Variants in PKP3 observed in about 807,000 individuals in gnomAD.
PKP3 encodes plakophilin 3, also known as plakophilin-3.
In PKP3, 66 loss-of-function variants were observed where a neutral mutation model predicts 76.5. That is an observed-to-expected ratio of 0.86 (90% CI 0.71 to 1.06). PKP3 has a LOEUF of 1.06. Ranked by LOEUF, PKP3 falls within the 50% of genes least tolerant of loss-of-function variation. The pLI is 0.00. For synonymous variants in PKP3, 638 were observed against 516.5 expected, an observed-to-expected ratio of 1.24 and a Z score of -3.19; for missense variants, 1,338 against 1,141.0, an observed-to-expected ratio of 1.17 and a Z score of -2.49.
intron 1 of PKP3, among the ~76,000 whole-genome samples, chr11:395,106 C>T (rs976410220): frequency 6.6e-6 from 1 of 152,116 alleles, no homozygotes; most frequent in African/African-American, 2.4e-5. Context: ...TCGGTGCCAG[C>T]CAGACCCACC....
chr11:403,303 T>A, intron 9 of PKP3, 40 bp downstream of exon 9: 1 of 1,386,084 alleles, frequency 7.2e-7, no homozygotes, highest in Non-Finnish European at 9.8e-7. Context: ...TCCCAGGGGT[T>A]CATGCGGTTG....
rs756171483 is a variant in PKP3, at chr11:396,619, G to A, written c.244G>A (p.Gly82Arg). ...GTCCCTCTCCACAGGCACATCCAGG[G>A]GGCAGTACCACACCCTGCAGGCTGG... ...EAETARGTSRGQYHTLQAGFS... is the reference protein window; with the variant it reads ...EAETARGTSRRQYHTLQAGFS... Residue 82 changes from glycine to arginine, a missense_variant, in exon 2 of 13, where the codon GGG becomes AGG. Gly to Arg is a moderately radical substitution (Grantham distance 125). Coordinates refer to ENST00000331563, the MANE Select transcript of PKP3 (RefSeq NM_007183.4). 1.9e-6 allele frequency: 3 copies of A among 1,608,456 alleles called. No homozygotes were observed. The South Asian group carries it at 3.3e-5, about 18-fold the overall frequency.
At position 404,308 on chromosome 11, in the gene PKP3, C is replaced by T; in HGVS notation, c.2343C>T (p.His781=). Residue 781 remains histidine, a synonymous_variant, in exon 12 of 13, where the codon CAC becomes CAT. Coordinates refer to ENST00000331563, the MANE Select transcript of PKP3 (RefSeq NM_007183.4). This position sits in a 1 kb window ranked among gnomAD's most constrained non-coding sequence, Gnocchi z 4.2. ...LANLWQYNKL[H]RDFRAKGYRK... ...ACCTGTGGCAGTACAACAAGCTCCACCGTGACTTCCGGGCGGTACGTTTCC... is the reference window on the plus strand; with the variant it reads ...ACCTGTGGCAGTACAACAAGCTCCATCGTGACTTCCGGGCGGTACGTTTCC... The T allele has an allele frequency of 6.2e-7, 1 of 1,612,448 alleles. No homozygotes were observed. The highest frequency in any genetic ancestry group is 8.5e-7 in the Non-Finnish European group (1 of 1,179,694).
intron 5 of PKP3, 23 bp from the exon 6 acceptor site, chr11:399,944 T>A: frequency 6.3e-7 from 1 of 1,575,170 alleles, no homozygotes; most frequent in Admixed American, 1.8e-5. Context: ...CAGACGCTGA[T>A]AGCAGCCTCC....
In PKP3 at chr11:397,921, G is replaced by A. The variant is rs199677180; in HGVS notation, c.1068+259G>A. On this transcript the variant is annotated intron_variant, in intron 4 of 12. Coordinates refer to ENST00000331563, the MANE Select transcript of PKP3 (RefSeq NM_007183.4). ...ACCCGCACACACCTGCGTCACCTCC[G>A]TACCCCCACATATACCTCATCACCT... The A allele has an allele frequency of 2.7e-3, 814 of 300,272 alleles. 6 individuals are homozygous for A. The highest frequency in any genetic ancestry group is 5.9e-3 in the Admixed American group (76 of 12,834). The allele number at this position is 300,272 out of a possible 1,614,324, so 18.6% of individuals were successfully genotyped here. A position where few individuals can be genotyped will look rare whatever the true frequency, so the allele number is the denominator to read the frequency against.
At chr11:394,700 T>G (rs11246143) in intron 1 of PKP3, among the ~76,000 whole-genome samples, 176 bp downstream of exon 1, 1 of 151,994 alleles carries the variant, frequency 6.6e-6, no homozygotes, top group South Asian at 2.1e-4. Flanking sequence ...GGGGCTGCCC[T>G]GTCCAAGCAG....
In PKP3 at chr11:400,587, ACGAGATGCCGCCGTC is replaced by A. The variant is rs1165292304; in HGVS notation, c.1622_1636del (p.Glu541_Ser545del). On this transcript the variant is annotated inframe_deletion, in exon 8 of 13. Transcript: ENST00000331563. ...CGGAACCTGTCCTACCGCCTCTACG[ACGAGATGCCGCCGTC>A]CGCGCTGCAGCGGCTGGAGGGTCGC... 2 of 1,473,374 alleles carry A rather than the reference ACGAGATGCCGCCGTC, an allele frequency of 1.4e-6. No individual in the cohort carries two copies. The highest frequency in any genetic ancestry group is 5.2e-5 in the Admixed American group (2 of 38,186). 91.3% of individuals were successfully genotyped at this position (1,473,374 alleles called of 1,614,324 possible). A position where few individuals can be genotyped will look rare whatever the true frequency, so the allele number is the denominator to read the frequency against.
In PKP3 at chr11:404,118, CAAG is replaced by C. The variant is rs755089774; in HGVS notation, c.2260_2262del (p.Lys754del). 1.9e-6 allele frequency: 3 copies of C among 1,610,328 alleles called. No homozygotes were observed. The South Asian group carries it at 3.3e-5, about 18-fold the overall frequency. Reference sequence around the variant, plus strand: ...ACGGACTCCGAAAGCTCATCTTCATCAAGAAGAAGCGGGACAGGTAGGGGCCGA... The same window carrying C: ...ACGGACTCCGAAAGCTCATCTTCATCAAGAAGCGGGACAGGTAGGGGCCGA... On this transcript the variant is annotated inframe_deletion, in exon 11 of 13. Coordinates refer to ENST00000331563, the MANE Select transcript of PKP3 (RefSeq NM_007183.4). This position sits in a 1 kb window ranked among gnomAD's most constrained non-coding sequence, Gnocchi z 4.2.
At chr11:396,748 G>A in intron 2 of PKP3, 61 bp downstream of exon 2, 1 of 1,573,756 alleles carries the variant, frequency 6.4e-7, no homozygotes, top group Non-Finnish European at 8.6e-7. Flanking sequence ...AGAGTGGGAG[G>A]CTCTGCAGCG....
At chr11:394,720 G>C (rs770641780) in intron 1 of PKP3, among the ~76,000 whole-genome samples, 196 bp downstream of exon 1, 3 of 152,224 alleles carry the variant, frequency 2.0e-5, no homozygotes, top group Non-Finnish European at 4.4e-5. Flanking sequence ...GGGACCCCGG[G>C]GTCCTCCAAA....
At chr11:403,308 C>A (rs766979792) in intron 9 of PKP3, 45 bp downstream of exon 9, 3 of 1,357,760 alleles carry the variant, frequency 2.2e-6, no homozygotes, top group Non-Finnish European at 3.0e-6. Flanking sequence ...GGGGTTCATG[C>A]GGTTGAGGGG....
intron 3 of PKP3, 31 bp downstream of exon 3, chr11:397,476 G>T (rs747888219): frequency 3.1e-6 from 5 of 1,611,844 alleles, no homozygotes; most frequent in Non-Finnish European, 3.4e-6. Context: ...CAGGGAGGGG[G>T]CTTCTACCAC....
rs769255927 is a variant in PKP3, at chr11:397,564, G to T, written c.970G>T (p.Ala324Ser). The part of the protein sequence containing the change: ...SGFDDIDLPS[A>S]VKYLMASDPN... ...TTTTGATGACATTGACCTGCCCTCA[G>T]CAGTCAAGTACCTCATGGCTTCAGA... Residue 324 changes from alanine (A) to serine (S), a missense_variant, in exon 4 of 13, where the codon GCA (alanine) becomes TCA (serine). Physicochemically the swap from Ala to Ser is moderately conservative, Grantham distance 99. Coordinates refer to ENST00000331563, the MANE Select transcript of PKP3 (RefSeq NM_007183.4). 1 of 1,612,108 alleles carries T rather than the reference G, an allele frequency of 6.2e-7. No individual in the cohort carries two copies. The highest frequency in any genetic ancestry group is 1.7e-5 in the Admixed American group (1 of 59,956).
chr11:392,763 G>A (rs1444919268), upstream of PKP3: 85 of 840,458 alleles, frequency 1.0e-4, no homozygotes, highest in Middle Eastern at 1.5e-3. Context: ...GCCCCAGCCC[G>A]GGCCTCACCC....
chr11:404,200 G>T lies in PKP3; in HGVS notation c.2271-36G>T. On this transcript the variant is annotated intron_variant, in intron 11 of 12. Transcript: ENST00000331563. This position sits in a 1 kb window ranked among gnomAD's most constrained non-coding sequence, Gnocchi z 4.2. ...TCCTCCCAGTCCACCCTGCTTTCTG[G>T]CTGTGTGTCCCCTCCTGACTGCCCT... 1 of 1,609,800 alleles carries T rather than the reference G, an allele frequency of 6.2e-7. No homozygotes were observed.
Position 400,712 on chromosome 11 carries a change from A to T in PKP3, c.1737+7A>T. On this transcript the variant is annotated splice_region_variant and intron_variant, in intron 8 of 12. Coordinates refer to ENST00000331563, the MANE Select transcript of PKP3 (RefSeq NM_007183.4). ...GAGCCGGCGGCTGCGCGAGGTGGGC[A>T]CCAGCCTGAGCGGGGCGTGGGGTGG... 8.0e-7 allele frequency: 1 copy of T among 1,245,960 alleles called. No individual in the cohort carries two copies. Among genetic ancestry groups the T allele is most frequent in the Non-Finnish European group, 1.0e-6 (1 of 990,574 alleles). 77.2% of individuals were successfully genotyped at this position (1,245,960 alleles called of 1,614,324 possible). A position where few individuals can be genotyped will look rare whatever the true frequency, so the allele number is the denominator to read the frequency against.
Position 403,251 on chromosome 11 carries a change from A to T in PKP3, c.1911A>T (p.Ala637=). The change falls in exon 9 of 13, where the codon GCA becomes GCT. Residue 637 remains alanine, a synonymous_variant. Transcript: ENST00000331563. ...CCGGGGCGCTGCAGAACATCACGGC[A>T]GGCGACCGCAGGGTGGGGCACCCAA... ...AAAGALQNIT[A]GDRRWAGVLS... is the part of the protein sequence containing the mutation. The T allele has an allele frequency of 6.3e-7, 1 of 1,577,788 alleles. No individual in the cohort carries two copies. Among genetic ancestry groups the T allele is most frequent in the Non-Finnish European group, 8.6e-7 (1 of 1,167,090 alleles).
In PKP3 at chr11:396,629, A is replaced by C; in HGVS notation, c.254A>C (p.His85Pro). The C allele has an allele frequency of 6.2e-7, 1 of 1,610,244 alleles. No homozygotes were observed. Among genetic ancestry groups the C allele is most frequent in the Non-Finnish European group, 8.5e-7 (1 of 1,179,044 alleles). Reference protein sequence around the residue: ...TARGTSRGQYHTLQAGFSSRS... With the variant: ...TARGTSRGQYPTLQAGFSSRS... ...ACAGGCACATCCAGGGGGCAGTACC[A>C]CACCCTGCAGGCTGGCTTCAGCTCT... The change falls in exon 2 of 13, where the codon CAC (histidine) becomes CCC (proline). Residue 85 changes from histidine (H) to proline (P), a missense_variant. Coordinates refer to ENST00000331563, the MANE Select transcript of PKP3 (RefSeq NM_007183.4).
At position 399,046 on chromosome 11, in the gene PKP3, C is replaced by A; in HGVS notation, c.1123C>A (p.Gln375Lys). The change falls in exon 5 of 13, where the codon CAG (glutamine) becomes AAG (lysine). Residue 375 changes from glutamine (Q) to lysine (K), a missense_variant. Physicochemically the swap from Gln to Lys is moderately conservative, Grantham distance 53. Coordinates refer to ENST00000331563, the MANE Select transcript of PKP3 (RefSeq NM_007183.4). The stretch of plus-strand genomic sequence containing the variant: ...GGTGAAGCTCTTCAACCACGCCAAC[C>A]AGGAAGTGCAGCGCCATGCCACAGG... ...RLVKLFNHAN[Q>K]EVQRHATGAM... is the part of the protein sequence containing the mutation. 6.2e-7 allele frequency: 1 copy of A among 1,607,178 alleles called. No homozygotes were observed. Among genetic ancestry groups the A allele is most frequent in the Non-Finnish European group, 8.5e-7 (1 of 1,175,982 alleles).
Sources: gnomAD v4.1 joint callset for allele counts (sites outside exome capture counted in the v4.1 genomes callset) on GRCh38, gnomAD v4.1.1 for gene constraint, Gnocchi (gnomAD v3.1) non-coding constraint, MANE v1.5 for transcripts, NCBI Gene and HGNC (gene_info 2026-07-23, HGNC 2026-07-21) for gene names.